The following LMO7 variants were observed in gnomAD, a reference collection of about 807,000 sequenced individuals.
The protein encoded by LMO7 is LIM domain only protein 7.
In LMO7, 120 loss-of-function variants were observed where a neutral mutation model predicts 206.5. That is an observed-to-expected ratio of 0.58 (90% confidence interval 0.50 to 0.68). The LOEUF (loss-of-function observed/expected upper bound fraction) is 0.68, where lower values mean the gene tolerates loss of function less well. LMO7 is among the 30% of genes least tolerant of loss of function. The pLI, the probability that LMO7 is intolerant of heterozygous loss-of-function variation, is 0.00. For synonymous variants in LMO7, 706 were observed against 681.5 expected (o/e 1.04, Z -0.56); for missense variants, 1,959 against 1,957.9 (o/e 1.00, Z -0.01).
At chr13:75,778,527 C>T (rs193079847) in intron 4 of LMO7, among the ~76,000 whole-genome samples, 7 of 152,320 alleles carry the variant, frequency 4.6e-5, no homozygotes, top group South Asian at 4.1e-4. Flanking sequence ...CCACTGCGCC[C>T]GGCCAATCGA....
intron 1 of LMO7, among the ~76,000 whole-genome samples, chr13:75,710,503 A>C (rs2043011963): frequency 6.6e-6 from 1 of 151,814 alleles, no homozygotes; most frequent in Non-Finnish European, 1.5e-5. Flanking sequence ...CTCCTTGAAG[A>C]GGTCCTTCAC....
chr13:75,763,827 A>C (rs1221512315), intron 4 of LMO7, among the ~76,000 whole-genome samples: 1 of 152,156 alleles, frequency 6.6e-6, no homozygotes, highest in South Asian at 2.1e-4. Flanking sequence ...GTGTATGTTG[A>C]AAATGAGTGG....
chr13:75,690,408 G>T (rs2041368565), intron 1 of LMO7, among the ~76,000 whole-genome samples: 1 of 152,044 alleles, frequency 6.6e-6, no homozygotes, highest in East Asian at 1.9e-4. Context: ...CTTATTTGGT[G>T]TTTTGTCCTA....
intron 4 of LMO7, among the ~76,000 whole-genome samples, chr13:75,773,018 A>G (rs2049953622): frequency 6.6e-6 from 1 of 152,114 alleles, no homozygotes; most frequent in Non-Finnish European, 1.5e-5. Flanking sequence ...ATGGAGTGAG[A>G]GTTTAATGAA....
chr13:75,688,378 C>A (rs978274234), intron 1 of LMO7, among the ~76,000 whole-genome samples: 1 of 152,184 alleles, frequency 6.6e-6, no homozygotes, highest in Admixed American at 6.5e-5. Context: ...CCATTTCATT[C>A]ACTTCACTGG....
intron 30 of LMO7, 159 bp downstream of exon 30, chr13:75,856,767 G>C (rs1346008828): frequency 2.4e-5 from 14 of 574,338 alleles, no homozygotes; most frequent in Non-Finnish European, 4.4e-5. Flanking sequence ...AGTGTGTATA[G>C]TGAATGGGTC....
At chr13:75,834,912 G>A (rs965115701) in intron 17 of LMO7, among the ~76,000 whole-genome samples, 1 of 152,068 alleles carries the variant, frequency 6.6e-6, no homozygotes, top group African/African-American at 2.4e-5. Context: ...ATCTATCCTG[G>A]TTTATGGGAA....
intron 3 of LMO7, among the ~76,000 whole-genome samples, chr13:75,736,437 G>A (rs1454970358): frequency 6.6e-6 from 1 of 152,208 alleles, no homozygotes; most frequent in Non-Finnish European, 1.5e-5. Flanking sequence ...GCCTGGAAGG[G>A]TTGTTATGAG....
intron 1 of LMO7, among the ~76,000 whole-genome samples, chr13:75,639,668 G>A (rs566830490): frequency 3.9e-5 from 6 of 152,290 alleles, no homozygotes; most frequent in Non-Finnish European, 5.9e-5. Flanking sequence ...TGGGTCATCC[G>A]AAAGCCATGT....
chr13:75,639,680 G>A (rs980494875), intron 1 of LMO7, among the ~76,000 whole-genome samples: 2 of 152,192 alleles, frequency 1.3e-5, no homozygotes, highest in Non-Finnish European at 2.9e-5. Flanking sequence ...AAGCCATGTG[G>A]TAAACAGACA....
chr13:75,714,477 TTA>T (rs1172737284), intron 2 of LMO7, among the ~76,000 whole-genome samples: 1 of 152,162 alleles, frequency 6.6e-6, no homozygotes, highest in Non-Finnish European at 1.5e-5. Context: ...TAAGGTGATA[TTA>T]TTAATTTTGT....
chr13:75,854,060 G>A (rs1187369116), intron 28 of LMO7, among the ~76,000 whole-genome samples: 2 of 152,194 alleles, frequency 1.3e-5, no homozygotes, highest in African/African-American at 4.8e-5. Flanking sequence ...TTTATGTGGA[G>A]TGAAGCTCAG....
chr13:75,827,655 C>T (rs2058253196), intron 15 of LMO7, among the ~76,000 whole-genome samples: 1 of 152,132 alleles, frequency 6.6e-6, no homozygotes. Context: ...CCTTCATCCC[C>T]CCTCCGTCTG....
At chr13:75,665,199 T>C (rs1465763163) in intron 1 of LMO7, among the ~76,000 whole-genome samples, 1 of 152,170 alleles carries the variant, frequency 6.6e-6, no homozygotes, top group Non-Finnish European at 1.5e-5. Flanking sequence ...GTTAGTAATT[T>C]TCTTAAATAT....
intron 1 of LMO7, among the ~76,000 whole-genome samples, chr13:75,641,039 A>G (rs2036482647): frequency 6.6e-6 from 1 of 152,204 alleles, no homozygotes; most frequent in African/African-American, 2.4e-5. Flanking sequence ...GGGTTTATAG[A>G]TTCAGTCACC....
At chr13:75,627,579 C>T (rs2034365556) in intron 2 of LMO7, 1 of 143,528 alleles carries the variant, frequency 7.0e-6, no homozygotes, top group Admixed American at 7.1e-5. Flanking sequence ...GGTGGAAATT[C>T]TTTACCAAAA....
At chr13:75,824,036 C>T (rs944148106) in intron 15 of LMO7, among the ~76,000 whole-genome samples, 163 bp downstream of exon 15, 1 of 152,196 alleles carries the variant, frequency 6.6e-6, no homozygotes. Context: ...AAGTAGGTCT[C>T]TTTCCACTCT....
intron 2 of LMO7, among the ~76,000 whole-genome samples, chr13:75,629,402 A>C (rs2034626737): frequency 6.6e-6 from 1 of 152,162 alleles, no homozygotes; most frequent in South Asian, 2.1e-4. Flanking sequence ...TACCTTGTGA[A>C]AGGGGCTATG....
intron 1 of LMO7, 52 bp downstream of exon 1, chr13:75,636,778 G>C: frequency 6.5e-7 from 1 of 1,537,166 alleles, no homozygotes. Flanking sequence ...GCCTCGGGGC[G>C]GTCGTCGCGA....
Sources: gnomAD v4.1 joint callset for allele counts (sites outside exome capture counted in the v4.1 genomes callset) on GRCh38, gnomAD v4.1.1 for gene constraint, MANE v1.5 for transcripts, NCBI Gene and HGNC (gene_info 2026-07-23, HGNC 2026-07-21) for gene names.